The following CHRM3 variants were observed in gnomAD, a reference collection of about 807,000 sequenced individuals.
CHRM3 encodes the protein cholinergic receptor muscarinic 3.
CHRM3 carries 11 observed loss-of-function variants against 41.8 expected under a neutral mutation model. That is an observed-to-expected ratio of 0.26 (90% CI 0.17 to 0.44). The LOEUF (loss-of-function observed/expected upper bound fraction) is 0.44. Ranked by LOEUF, CHRM3 falls within the 20% of genes least tolerant of loss-of-function variation. The pLI, the probability that CHRM3 is intolerant of heterozygous loss-of-function variation, is 1.00. For missense variants in CHRM3, 571 were observed against 745.4 expected (o/e 0.77, Z 2.72); for synonymous variants, 297 against 301.4 (o/e 0.99, Z 0.15).
chr1:239,811,966 A>C (rs1240909545), intron 5 of CHRM3, among the ~76,000 whole-genome samples: 2 of 152,240 alleles, frequency 1.3e-5, no homozygotes, highest in Non-Finnish European at 2.9e-5. Context: ...GGCATAAGTC[A>C]GTGTTTAATT....
intron 1 of CHRM3, among the ~76,000 whole-genome samples, chr1:239,405,886 A>AT (rs938277104): frequency 2.1e-4 from 31 of 149,684 alleles, no homozygotes; most frequent in South Asian, 8.5e-4. Flanking sequence ...GGCAAGACGG[A>AT]TTTTTTTTTT....
rs1253071207 is a variant in CHRM3 at position 239,591,082 on chromosome 1, T to A, written c.-312-41142T>A. Among the ~76,000 whole-genome samples, 11 of 152,160 alleles carry A rather than the reference T, an allele frequency of 7.2e-5. 1 individual carries two copies. Among genetic ancestry groups the A allele is most frequent in the Admixed American group, 7.2e-4 (11 of 15,264 alleles). Reference sequence around the variant, plus strand: ...ACATAATAGGTTCTGTGTGTTACATTGAAAGTTATGGAAAGCTGCTTATGA... The same window carrying A: ...ACATAATAGGTTCTGTGTGTTACATAGAAAGTTATGGAAAGCTGCTTATGA... On this transcript the variant is annotated intron_variant, in intron 3 of 6. Transcript: ENST00000676153.
chr1:239,700,102 A>C (rs1030027637), intron 5 of CHRM3, among the ~76,000 whole-genome samples: 2 of 152,148 alleles, frequency 1.3e-5, no homozygotes, highest in Non-Finnish European at 2.9e-5. Flanking sequence ...TCTGATAAAC[A>C]GATCCTCATA....
At chr1:239,886,492 A>G (rs1043036220) in intron 6 of CHRM3, 25 of 152,262 alleles carry the variant, frequency 1.6e-4, no homozygotes, top group African/African-American at 5.5e-4. Context: ...ATTTCCTGGA[A>G]TCAGTTTAAA....
At position 239,908,936 on chromosome 1, in the gene CHRM3, G is replaced by A. The variant is rs751027754; in HGVS notation, c.1485G>A (p.Ala495=). 17 of 1,614,010 alleles carry A rather than the reference G, an allele frequency of 1.1e-5. No individual in the cohort carries two copies. The highest frequency in any genetic ancestry group is 9.3e-5 in the African/African-American group (7 of 74,900). The change falls in exon 7 of 7, where the codon GCG becomes GCA. Residue 495 remains alanine, a synonymous_variant. Transcript: ENST00000676153. This position sits in a 1 kb window ranked among gnomAD's most constrained non-coding sequence, Gnocchi z 7.2. ...AGAAAGCGGCCCAGACCCTCAGTGC[G>A]ATCTTGCTTGCCTTCATCATCACTT... ...KEKKAAQTLS[A]ILLAFIITWT...
At chr1:239,419,402 G>A (rs1199619888) in intron 1 of CHRM3, among the ~76,000 whole-genome samples, 4 of 147,942 alleles carry the variant, frequency 2.7e-5, no homozygotes, top group Admixed American at 6.8e-5. Context: ...CTTTTTGGAA[G>A]AGTCACAGTG....
At chr1:239,656,591 T>C (rs1000213854) in intron 4 of CHRM3, among the ~76,000 whole-genome samples, 1 of 152,120 alleles carries the variant, frequency 6.6e-6, no homozygotes, top group Non-Finnish European at 1.5e-5. Flanking sequence ...CAGTGAGTCA[T>C]GATCACACCA....
At chr1:239,432,380 A>T (rs1260099208) in intron 1 of CHRM3, among the ~76,000 whole-genome samples, 1 of 152,174 alleles carries the variant, frequency 6.6e-6, no homozygotes, top group Non-Finnish European at 1.5e-5. Context: ...TTCATATTTT[A>T]TATTGATATT....
At chr1:239,576,590 ACACG>A (rs774973987) in intron 3 of CHRM3, among the ~76,000 whole-genome samples, 3 of 115,544 alleles carry the variant, frequency 2.6e-5, no homozygotes, top group African/African-American at 8.3e-5. Flanking sequence ...ACACACACAC[ACACG>A]CACACACACA....
intron 3 of CHRM3, among the ~76,000 whole-genome samples, chr1:239,559,188 G>A (rs936000437): frequency 3.3e-5 from 5 of 152,102 alleles, no homozygotes; most frequent in Admixed American, 1.3e-4. Flanking sequence ...CTGTGAAAAG[G>A]TCATACTAGC....
chr1:239,655,273 T>A (rs920189232), intron 4 of CHRM3, among the ~76,000 whole-genome samples: 3 of 152,202 alleles, frequency 2.0e-5, no homozygotes, highest in African/African-American at 7.2e-5. Context: ...GTAGCTGAAA[T>A]GTCATCCTGT....
intron 5 of CHRM3, among the ~76,000 whole-genome samples, chr1:239,718,618 T>C (rs1435092315): frequency 6.6e-6 from 1 of 152,002 alleles, no homozygotes; most frequent in Non-Finnish European, 1.5e-5. Flanking sequence ...CTTTTTTTTT[T>C]GAAGCCTACT....
chr1:239,511,067 A>G (rs1055270567), intron 2 of CHRM3, among the ~76,000 whole-genome samples: 1 of 152,206 alleles, frequency 6.6e-6, no homozygotes, highest in Non-Finnish European at 1.5e-5. Context: ...GAAAAGTACC[A>G]CAGGCAAAGA....
At chr1:239,842,578 A>G (rs893910447) in intron 6 of CHRM3, among the ~76,000 whole-genome samples, 2 of 152,112 alleles carry the variant, frequency 1.3e-5, no homozygotes, top group South Asian at 4.1e-4. Context: ...CCTAAAGTGG[A>G]AAAGAAAAGG....
intron 3 of CHRM3, among the ~76,000 whole-genome samples, chr1:239,582,430 T>C (rs1473703384): frequency 6.6e-6 from 1 of 152,180 alleles, no homozygotes; most frequent in African/African-American, 2.4e-5. Context: ...AACTGTGCAC[T>C]CAGGGGTTAC....
chr1:239,513,792 A>G (rs986101883), intron 2 of CHRM3, among the ~76,000 whole-genome samples: 3 of 152,122 alleles, frequency 2.0e-5, no homozygotes, highest in Non-Finnish European at 2.9e-5. Context: ...TCCATTTTGG[A>G]TAAAATTTTA....
chr1:239,627,459 T>C (rs1195685848), intron 3 of CHRM3, among the ~76,000 whole-genome samples: 1 of 116,236 alleles, frequency 8.6e-6, no homozygotes, highest in Non-Finnish European at 1.8e-5. Context: ...TTTATCCAAC[T>C]TGCCAGTCTG....
intron 1 of CHRM3, among the ~76,000 whole-genome samples, chr1:239,398,926 C>CA (rs899818667): frequency 1.9e-4 from 28 of 151,208 alleles, no homozygotes; most frequent in African/African-American, 6.3e-4. Context: ...ATTATACCCA[C>CA]AAAAAAATGC....
chr1:239,699,325 C>A (rs1660477943), intron 5 of CHRM3, among the ~76,000 whole-genome samples: 1 of 151,938 alleles, frequency 6.6e-6, no homozygotes, highest in African/African-American at 2.4e-5. Flanking sequence ...TAGATGAGGT[C>A]CAATAGGATT....
Sources: allele counts gnomAD v4.1 joint callset (sites outside exome capture counted in the v4.1 genomes callset), GRCh38; gene constraint gnomAD v4.1.1; non-coding constraint Gnocchi (gnomAD v3.1); transcripts MANE v1.5; gene names NCBI Gene and HGNC (gene_info 2026-07-23, HGNC 2026-07-21).